Variants in RAB4B observed in about 807,000 individuals in gnomAD.
The protein encoded by RAB4B is RAB4B, member RAS oncogene family, also known as ras-related protein Rab-4B.
A neutral mutation model predicts 28.3 loss-of-function variants in RAB4B; 15 were observed. That is an observed-to-expected ratio of 0.53 (90% CI 0.35 to 0.82). The LOEUF is 0.82. RAB4B is among the 40% of genes least tolerant of loss of function. RAB4B has a pLI of 0.01. For synonymous variants in RAB4B, 108 were observed against 116.3 expected (o/e 0.93, Z 0.46); for missense variants, 244 against 288.5 (o/e 0.85, Z 1.12).
intron 1 of RAB4B, chr19:40,779,010 C>T (rs2262082): frequency 0.082 from 81,041 of 985,136 alleles, 4,040 homozygotes; most frequent in African/African-American, 0.22. Context: ...GCCGCATTCA[C>T]TCAACAAATA....
At chr19:40,782,548 C>T (rs936899412) in intron 3 of RAB4B, among the ~76,000 whole-genome samples, 4 of 152,208 alleles carry the variant, frequency 2.6e-5, no homozygotes, top group African/African-American at 9.6e-5. Context: ...CACGGTGGCT[C>T]ACGCCTGTAA....
chr19:40,784,143 G>C (rs1471456980), intron 5 of RAB4B, 68 bp downstream of exon 5: 25 of 1,493,096 alleles, frequency 1.7e-5, no homozygotes, highest in Non-Finnish European at 2.3e-5. Context: ...GGGTTTACTG[G>C]CTCTCAGTGG....
chr19:40,786,195 A>G (rs2145049438), intron 5 of RAB4B: 2 of 203,348 alleles, frequency 9.8e-6, no homozygotes, highest in Non-Finnish European at 1.9e-5. Flanking sequence ...CAGAGGGCTC[A>G]GGGGTGGAAT....
chr19:40,787,961 C>CAAA lies in RAB4B; in HGVS notation c.*15+1007_*15+1009dup, dbSNP rs56997006. Among the ~76,000 whole-genome samples the CAAA allele has an allele frequency of 5.7e-3, 399 of 69,428 alleles. 43 individuals are homozygous for CAAA. The highest frequency in any genetic ancestry group is 9.1e-3 in the Middle Eastern group (1 of 110). The allele number at this position is 69,428 out of a possible 152,430, so 45.5% of individuals were successfully genotyped here. ...TGGGCGACAGAGCAAGACTCTGTCT[C>CAAA]AAAAAAAAAAAAAAAAAAAAAAAAA... On this transcript the variant is annotated intron_variant, in intron 7 of 7. Transcript: ENST00000357052.
chr19:40,786,400 G>A, intron 5 of RAB4B: 1 of 437,696 alleles, frequency 2.3e-6, no homozygotes, highest in South Asian at 2.1e-5. Context: ...AGCTGTGGGA[G>A]CCCTAAGTCG....
intron 3 of RAB4B, among the ~76,000 whole-genome samples, chr19:40,782,317 T>C (rs2145041382): frequency 6.6e-6 from 1 of 152,056 alleles, no homozygotes; most frequent in African/African-American, 2.4e-5. Context: ...GAATGCAGAA[T>C]TGGCTACACT....
chr19:40,783,735 A>C (rs775299874), intron 3 of RAB4B, 43 bp from the exon 4 acceptor site: 2 of 1,512,346 alleles, frequency 1.3e-6, no homozygotes, highest in Non-Finnish European at 1.8e-6. Context: ...TTCTCGGGGC[A>C]GACCCCAGCC....
Position 40,780,453 on chromosome 19 carries a change from AC to A in RAB4B, c.167del (p.Thr56MetfsTer2), listed in dbSNP as rs2083035986. On this transcript the variant is annotated frameshift_variant, in exon 3 of 8. Coordinates refer to ENST00000357052, the MANE Select transcript of RAB4B (RefSeq NM_016154.5). LOFTEE classifies it high-confidence loss of function. ...CCGGGTGGTCAACGTGGGTGGGAAG[AC>A]TGTGAAGCTACAGATTTGGGACACG... is the stretch of plus-strand genomic sequence containing the variant. ...GSRVVNVGGKTVKLQIWDTAG... is the reference protein window; with the variant it reads ...GSRVVNVGGKXVKLQIWDTAG... 1 of 1,613,592 alleles carries A rather than the reference AC, an allele frequency of 6.2e-7. No homozygotes were observed. The highest frequency in any genetic ancestry group is 2.2e-5 in the East Asian group (1 of 44,856).
rs1444555381 is a variant in RAB4B, at chr19:40,786,878, G to T, written c.557G>T (p.Gly186Val). ...GELDPERMGSGIQYGDASLRQ... is the reference protein window; with the variant it reads ...GELDPERMGSVIQYGDASLRQ... ...CTAGACCCGGAGAGGATGGGCTCTG[G>T]CATTCAGTACGGGGATGCGTCCCTC... Residue 186 changes from glycine to valine, a missense_variant, in exon 7 of 8, where the codon GGC becomes GTC. Coordinates refer to ENST00000357052, the MANE Select transcript of RAB4B (RefSeq NM_016154.5). 6.2e-7 allele frequency: 1 copy of T among 1,614,150 alleles called. No individual in the cohort carries two copies. Among genetic ancestry groups the T allele is most frequent in the Non-Finnish European group, 8.5e-7 (1 of 1,179,996 alleles).
chr19:40,787,908 G>C (rs2083116553), intron 7 of RAB4B, among the ~76,000 whole-genome samples: 1 of 134,840 alleles, frequency 7.4e-6, no homozygotes, highest in Non-Finnish European at 1.5e-5. Flanking sequence ...GGTGCAGTGA[G>C]CCAAGATTCA....
chr19:40,789,134 AT>A (rs990395803), intron 7 of RAB4B, among the ~76,000 whole-genome samples: 1 of 151,398 alleles, frequency 6.6e-6, no homozygotes, highest in Non-Finnish European at 1.5e-5. Context: ...ACCTCAAGTG[AT>A]CCACCCACTC....
intron 1 of RAB4B, chr19:40,778,969 AGGGGAAGTGCAGGTTTAG>A: frequency 1.0e-6 from 1 of 985,936 alleles, no homozygotes; most frequent in Non-Finnish European, 1.2e-6. Flanking sequence ...GATTGGAGGC[AGGGGAAGTGCAGGTTTAG>A]GAGTCAGAGG....
intron 3 of RAB4B, among the ~76,000 whole-genome samples, chr19:40,783,238 C>T (rs2145043681): frequency 6.6e-6 from 1 of 151,428 alleles, no homozygotes; most frequent in East Asian, 1.9e-4. Context: ...TGGAGACCAG[C>T]CTCGGCAACC....
At chr19:40,785,099 C>G in intron 5 of RAB4B, among the ~76,000 whole-genome samples, 1 of 151,898 alleles carries the variant, frequency 6.6e-6, no homozygotes, top group East Asian at 1.9e-4. Flanking sequence ...AGGCGTGAGA[C>G]ACTGCGCCCG....
Position 40,780,397 on chromosome 19 carries a change from C to T in RAB4B, c.110C>T (p.Ser37Phe). ...QFIENKFKQD[S>F]NHTIGVEFGS... ...CTCCTACTCCCAGTCAAACAGGACT[C>T]CAACCACACAATCGGCGTGGAGTTT... Residue 37 changes from serine (S) to phenylalanine (F), a missense_variant, in exon 3 of 8, where the codon TCC becomes TTC. Transcript: ENST00000357052. 6.2e-7 allele frequency: 1 copy of T among 1,610,062 alleles called. No homozygotes were observed. The highest frequency in any genetic ancestry group is 8.5e-7 in the Non-Finnish European group (1 of 1,178,042).
intron 5 of RAB4B, 199 bp from the exon 6 acceptor site, chr19:40,786,466 A>T: frequency 1.4e-6 from 1 of 711,366 alleles, no homozygotes; most frequent in Non-Finnish European, 2.2e-6. Context: ...GAGCTGTGTG[A>T]GCTGAGCTCT....
chr19:40,786,684 C>G lies in RAB4B; in HGVS notation c.450C>G (p.Thr150=), dbSNP rs777520868. ...CTGCAGAGCTGATGTTCCTGGAGAC[C>G]AGCGCTCTCACAGGCGAGAACGTGG... ...AQENELMFLE[T]SALTGENVEE... is the part of the protein sequence containing the mutation. Residue 150 remains threonine (T), a synonymous_variant, in exon 6 of 8, where the codon ACC becomes ACG. Transcript: ENST00000357052. 1.2e-6 allele frequency: 2 copies of G among 1,614,028 alleles called. No homozygotes were observed. The highest frequency in any genetic ancestry group is 1.7e-6 in the Non-Finnish European group (2 of 1,179,972).
chr19:40,780,703 G>A (rs1409625115), intron 3 of RAB4B, among the ~76,000 whole-genome samples: 1 of 151,950 alleles, frequency 6.6e-6, no homozygotes, highest in East Asian at 1.9e-4. Flanking sequence ...AAAGAGGTAG[G>A]GGCCAGGCGC....
intron 7 of RAB4B, among the ~76,000 whole-genome samples, chr19:40,791,150 C>T (rs578228209): frequency 5.3e-5 from 8 of 152,220 alleles, no homozygotes; most frequent in Non-Finnish European, 7.4e-5. Flanking sequence ...ACATTGCGCC[C>T]GGCCAATTTT....
Sources: gnomAD v4.1 joint callset for allele counts (sites outside exome capture counted in the v4.1 genomes callset) on GRCh38, gnomAD v4.1.1 for gene constraint, MANE v1.5 for transcripts, NCBI Gene and HGNC (gene_info 2026-07-23, HGNC 2026-07-21) for gene names.